The following HIPK2 variants were observed in gnomAD, a reference collection of about 807,000 sequenced individuals.
The protein encoded by HIPK2 is homeodomain-interacting protein kinase 2.
In HIPK2, 27 loss-of-function variants were observed where a neutral mutation model predicts 113.7. The observed-to-expected ratio is 0.24, with a 90% CI of 0.17 to 0.33. HIPK2 has a LOEUF of 0.33. Among genes scored for constraint, HIPK2 ranks in the 10% least tolerant of loss-of-function variants. The pLI, the probability that HIPK2 is intolerant of heterozygous loss-of-function variation, is 1.00. For missense variants in HIPK2, 1,257 were observed against 1,588.0 expected (o/e 0.79, Z 3.54); for synonymous variants, 631 against 642.2 (o/e 0.98, Z 0.26).
At chr7:139,695,363 C>G (rs1412657722) in intron 2 of HIPK2, among the ~76,000 whole-genome samples, 1 of 152,160 alleles carries the variant, frequency 6.6e-6, no homozygotes, top group Admixed American at 6.5e-5. Context: ...TGGCCCGGGG[C>G]TGCCTTTCAC....
At chr7:139,647,356 T>A (rs1454309337) in intron 2 of HIPK2, among the ~76,000 whole-genome samples, 1 of 152,178 alleles carries the variant, frequency 6.6e-6, no homozygotes, top group African/African-American at 2.4e-5. Flanking sequence ...AGCACTGTGC[T>A]AAGAACAGTA....
chr7:139,739,224 C>T (rs1796029731), intron 1 of HIPK2, among the ~76,000 whole-genome samples: 1 of 152,190 alleles, frequency 6.6e-6, no homozygotes, highest in African/African-American at 2.4e-5. Flanking sequence ...CCATCCCCAG[C>T]AGGGCAATTT....
chr7:139,589,472 G>A (rs1355040913), intron 12 of HIPK2, among the ~76,000 whole-genome samples: 1 of 151,682 alleles, frequency 6.6e-6, no homozygotes, highest in Non-Finnish European at 1.5e-5. Context: ...ATCTGCCCTC[G>A]AGTAAAATTC....
At position 139,573,302 on chromosome 7, in the gene HIPK2, C is replaced by T. The variant is rs995379830; in HGVS notation, c.3222G>A (p.Pro1074=). Residue 1074 remains proline (P), a synonymous_variant, in exon 15 of 15, where the codon CCG becomes CCA. Coordinates refer to ENST00000406875, the MANE Select transcript of HIPK2 (RefSeq NM_022740.5). ...CAGTGCCGTGGCTGGGGCTGTTGTG[C>T]GGGAAGGAGTACGGAGCCTGGGCCA... The part of the protein sequence containing the change: ...PTMAQAPYSF[P]HNSPSHGTVH... 5 of 1,604,726 alleles carry T rather than the reference C, an allele frequency of 3.1e-6. No homozygotes were observed. Among genetic ancestry groups the T allele is most frequent in the South Asian group, 2.2e-5 (2 of 91,020 alleles).
intron 1 of HIPK2, among the ~76,000 whole-genome samples, chr7:139,753,147 G>A (rs1796308092): frequency 6.6e-6 from 1 of 152,168 alleles, no homozygotes; most frequent in African/African-American, 2.4e-5. Context: ...GCACACAGTG[G>A]GCCCCCCAGT....
In HIPK2 at chr7:139,714,374, C is replaced by T. The variant is rs1045311669; in HGVS notation, c.1103+1558G>A. Among the ~76,000 whole-genome samples, 8 of 152,116 alleles carry T rather than the reference C, an allele frequency of 5.3e-5. No individual in the cohort carries two copies. Among genetic ancestry groups the T allele is most frequent in the Admixed American group, 2.0e-4 (3 of 15,280 alleles). The stretch of plus-strand genomic sequence containing the variant: ...GAAGGTGGGAGGGCATCTGGGGATC[C>T]GAACGGAGGGGCTGTTGCTCTCCCA... On this transcript the variant is annotated intron_variant, in intron 2 of 14. Transcript: ENST00000406875. The surrounding 1 kb of genome is among the most constrained non-coding windows in gnomAD (Gnocchi z 4.2).
At chr7:139,703,079 A>G (rs1794760929) in intron 2 of HIPK2, among the ~76,000 whole-genome samples, 2 of 152,176 alleles carry the variant, frequency 1.3e-5, no homozygotes, top group African/African-American at 4.8e-5. Context: ...CAAACACAGC[A>G]CAACAAAACA....
intron 11 of HIPK2, among the ~76,000 whole-genome samples, 197 bp downstream of exon 11, chr7:139,600,220 A>C (rs1360931379): frequency 6.6e-6 from 1 of 152,182 alleles, no homozygotes. Context: ...CACGGTCTTA[A>C]ACCAAGTGCT....
chr7:139,582,695 T>C (rs1329369325), intron 13 of HIPK2, among the ~76,000 whole-genome samples: 1 of 152,268 alleles, frequency 6.6e-6, no homozygotes, highest in African/African-American at 2.4e-5. Context: ...AGCGCAAGCC[T>C]GTGGCTGTCA....
In HIPK2 at chr7:139,777,655, G is replaced by C; in HGVS notation, c.-32C>G. 1 of 1,099,680 alleles carries C rather than the reference G, an allele frequency of 9.1e-7. No homozygotes were observed. Among genetic ancestry groups the C allele is most frequent in the Non-Finnish European group, 1.1e-6 (1 of 901,616 alleles). The allele number at this position is 1,099,680 out of a possible 1,614,324, so 68.1% of individuals were successfully genotyped here. A position where few individuals can be genotyped will look rare whatever the true frequency, so the allele number is the denominator to read the frequency against. ...CGGGGTGTCCGCGGTTCATGGCAAC[G>C]GGGACGGGAAAGCGGCGCGCGAGCT... is the stretch of plus-strand genomic sequence containing the variant. On this transcript the variant is annotated 5_prime_UTR_variant, in exon 1 of 15. Transcript: ENST00000406875.
chr7:139,596,766 T>C lies in HIPK2; in HGVS notation c.2668A>G (p.Ile890Val). 1.2e-6 allele frequency: 2 copies of C among 1,613,572 alleles called. No individual in the cohort carries two copies. Among genetic ancestry groups the C allele is most frequent in the Non-Finnish European group, 1.7e-6 (2 of 1,179,518 alleles). The change falls in exon 12 of 15, where the codon ATC becomes GTC. Residue 890 changes from isoleucine to valine, a missense_variant. By Grantham distance (29) the Ile-to-Val change is conservative. Around this residue, in one of 5 missense-constraint regions of HIPK2, gnomAD observed 862 missense variants for 1,004.3 expected, o/e 0.86. Coordinates refer to ENST00000406875, the MANE Select transcript of HIPK2 (RefSeq NM_022740.5). Reference protein sequence around the residue: ...TPSPTVSVITISSDTDEEEEQ... With the variant: ...TPSPTVSVITVSSDTDEEEEQ... ...TCCTCCTCGTCCGTGTCACTGCTGATGGTGATGACGCTGACCGTGGGGCTG... is the reference window on the plus strand; with the variant it reads ...TCCTCCTCGTCCGTGTCACTGCTGACGGTGATGACGCTGACCGTGGGGCTG...
intron 1 of HIPK2, among the ~76,000 whole-genome samples, chr7:139,743,888 C>T (rs1796148451): frequency 1.3e-5 from 2 of 152,130 alleles, no homozygotes; most frequent in Non-Finnish European, 2.9e-5. Context: ...TATTTAAAAG[C>T]CAGGTACAAC....
chr7:139,695,111 C>T (rs1055145700), intron 2 of HIPK2, among the ~76,000 whole-genome samples: 9 of 152,342 alleles, frequency 5.9e-5, no homozygotes, highest in African/African-American at 2.2e-4. Flanking sequence ...CTGTCTGTAG[C>T]TCAGTGCACG....
chr7:139,581,667 C>T (rs574583214), intron 13 of HIPK2, among the ~76,000 whole-genome samples: 1 of 152,294 alleles, frequency 6.6e-6, no homozygotes, highest in African/African-American at 2.4e-5. Flanking sequence ...TGTACCTTGG[C>T]CTGTATGCAT....
intron 11 of HIPK2, 50 bp downstream of exon 11, chr7:139,600,367 A>G (rs767890970): frequency 2.5e-6 from 4 of 1,580,290 alleles, no homozygotes; most frequent in African/African-American, 2.7e-5. Context: ...TTTCTTTAGC[A>G]CTCACATCCC....
intron 7 of HIPK2, among the ~76,000 whole-genome samples, chr7:139,614,800 G>C (rs919607605): frequency 3.3e-5 from 5 of 152,156 alleles, no homozygotes; most frequent in African/African-American, 9.7e-5. Flanking sequence ...TGCTGAAAAG[G>C]CTAAAAATTA....
intron 2 of HIPK2, among the ~76,000 whole-genome samples, chr7:139,641,230 T>TG (rs1379577647): frequency 1.3e-5 from 2 of 152,118 alleles, no homozygotes; most frequent in Non-Finnish European, 2.9e-5. Flanking sequence ...CCGGACATGG[T>TG]GGCACGCACC....
At chr7:139,706,863 G>A (rs939796351) in intron 2 of HIPK2, among the ~76,000 whole-genome samples, 2 of 152,244 alleles carry the variant, frequency 1.3e-5, no homozygotes, top group African/African-American at 4.8e-5. Flanking sequence ...CACACTGTGG[G>A]TCACACTTTC....
intron 2 of HIPK2, among the ~76,000 whole-genome samples, chr7:139,659,542 C>T (rs1801796384): frequency 6.6e-6 from 1 of 152,156 alleles, no homozygotes; most frequent in African/African-American, 2.4e-5. Flanking sequence ...TATTAGTGTC[C>T]CAGGTCTGGA....
Sources: gnomAD v4.1 joint callset for allele counts (sites outside exome capture counted in the v4.1 genomes callset) on GRCh38, gnomAD v4.1.1 for gene constraint, gnomAD v4.1.1 regional missense constraint, Gnocchi (gnomAD v3.1) non-coding constraint, MANE v1.5 for transcripts, NCBI Gene and HGNC (gene_info 2026-07-23, HGNC 2026-07-21) for gene names.